Variants in ERICH3 observed in about 807,000 individuals in gnomAD.
ERICH3 encodes glutamate-rich protein 3.
ERICH3 carries 126 observed loss-of-function variants against 131.1 expected under a neutral mutation model. The observed-to-expected ratio is 0.96, with a 90% CI of 0.83 to 1.11. The LOEUF (loss-of-function observed/expected upper bound fraction) is 1.11, where lower values mean the gene tolerates loss of function less well. Ranked by LOEUF, ERICH3 falls within the 50% of genes most tolerant of loss-of-function variation. The probability of loss-of-function intolerance (pLI) is 0.00; values close to 1 mark genes in which losing one functional copy is unlikely to be tolerated. For synonymous variants in ERICH3, 695 were observed against 644.6 expected, an observed-to-expected ratio of 1.08 and a Z score of -1.18; for missense variants, 2,050 against 1,810.7, an observed-to-expected ratio of 1.13 and a Z score of -2.40.
chr1:74,596,496 T>A (rs1283196075), intron 11 of ERICH3, among the ~76,000 whole-genome samples: 2 of 152,070 alleles, frequency 1.3e-5, no homozygotes, highest in Admixed American at 1.3e-4. Context: ...CAAAATCTTC[T>A]CTTCTAGCTA....
rs1024867622 is a variant in ERICH3 at position 74,569,921 on chromosome 1, T to C, written c.*537A>G. On this transcript the variant is annotated 3_prime_UTR_variant, in exon 15 of 15. Coordinates refer to ENST00000326665, the MANE Select transcript of ERICH3 (RefSeq NM_001002912.5). ...ATCTTTTGCTGGAAGAACTTAGAGATTTGGAGCAATCTTGAGTTTTGAGTG... is the reference window on the plus strand; with the variant it reads ...ATCTTTTGCTGGAAGAACTTAGAGACTTGGAGCAATCTTGAGTTTTGAGTG... 1.3e-5 allele frequency: 2 copies of C among 152,194 alleles called. No individual in the cohort carries two copies. Among genetic ancestry groups the C allele is most frequent in the African/African-American group, 4.8e-5 (2 of 41,446 alleles). 9.4% of individuals were successfully genotyped at this position (152,194 alleles called of 1,614,324 possible). A position where few individuals can be genotyped will look rare whatever the true frequency, so the allele number is the denominator to read the frequency against.
In ERICH3 at chr1:74,573,149, C is replaced by G. The variant is rs138902428; in HGVS notation, c.2561G>C (p.Gly854Ala). The G allele has an allele frequency of 8.7e-6, 14 of 1,613,056 alleles. No homozygotes were observed. In the African/African-American group the frequency reaches 1.1e-4, roughly 12 times the overall value. ...EAEGVRRLGE[G>A]GSDPIGQAAA... Reference sequence around the variant, plus strand: ...TGCTTGTCCTATGGGGTCTGACCCCCCTTCACCCAGCCTTCTGACCCCTTC... The same window carrying G: ...TGCTTGTCCTATGGGGTCTGACCCCGCTTCACCCAGCCTTCTGACCCCTTC... Residue 854 changes from glycine to alanine, a missense_variant, in exon 14 of 15, where the codon GGG becomes GCG. Gly to Ala is a moderately conservative substitution (Grantham distance 60). Transcript: ENST00000326665.
At chr1:74,663,589 G>C (rs1241135297) in intron 1 of ERICH3, among the ~76,000 whole-genome samples, 3 of 150,036 alleles carry the variant, frequency 2.0e-5, no homozygotes, top group Non-Finnish European at 3.0e-5. Context: ...CTAATGGAAG[G>C]GTTCTAAAAA....
intron 12 of ERICH3, 143 bp from the exon 13 acceptor site, chr1:74,577,079 A>G: frequency 1.5e-6 from 1 of 648,622 alleles, no homozygotes; most frequent in Non-Finnish European, 2.6e-6. Flanking sequence ...TTGAAAGAAG[A>G]CTGATCTGAA....
At chr1:74,612,600 C>A in intron 9 of ERICH3, 23 bp downstream of exon 9, 1 of 1,519,256 alleles carries the variant, frequency 6.6e-7, no homozygotes, top group South Asian at 1.3e-5. Flanking sequence ...TTGCCCTCTA[C>A]CAAAGGACAT....
rs1378686951 is a variant in ERICH3, at chr1:74,649,307, G to A, written c.32C>T (p.Ala11Val). MSHSHPAGLL[A>V]AYNSLMDKHL... The stretch of plus-strand genomic sequence containing the variant: ...TTTATCCATAAGGCTATTATATGCA[G>A]CAAGTAACCTAAAATACAAAAATAA... Residue 11 changes from alanine to valine, a missense_variant, in exon 2 of 15, where the codon GCT (alanine) becomes GTT (valine). Ala to Val is a moderately conservative substitution (Grantham distance 64). Coordinates refer to ENST00000326665, the MANE Select transcript of ERICH3 (RefSeq NM_001002912.5). The A allele has an allele frequency of 1.2e-6, 2 of 1,609,684 alleles. No homozygotes were observed. The highest frequency in any genetic ancestry group is 1.7e-6 in the Non-Finnish European group (2 of 1,177,864).
chr1:74,662,885 T>C (rs1646656231), intron 1 of ERICH3, among the ~76,000 whole-genome samples: 2 of 152,180 alleles, frequency 1.3e-5, no homozygotes, highest in South Asian at 4.1e-4. Context: ...GCATGGTGGC[T>C]CACGCCTGTA....
chr1:74,657,689 T>C (rs1646598410), intron 1 of ERICH3, among the ~76,000 whole-genome samples: 1 of 152,148 alleles, frequency 6.6e-6, no homozygotes, highest in Non-Finnish European at 1.5e-5. Context: ...CCAACTGTGC[T>C]GACTGCTGGC....
chr1:74,666,680 A>G (rs545961938), intron 1 of ERICH3, among the ~76,000 whole-genome samples: 106 of 152,288 alleles, frequency 7.0e-4, no homozygotes, highest in Non-Finnish European at 1.1e-3. Flanking sequence ...AAAGAACCAA[A>G]TGACTTCTGC....
chr1:74,601,725 T>C (rs78611747), intron 10 of ERICH3, among the ~76,000 whole-genome samples: 2,533 of 151,916 alleles, frequency 0.017, 28 homozygotes, highest in Non-Finnish European at 0.026. Flanking sequence ...TATGAGTGGA[T>C]TGCTGCAATT....
At chr1:74,660,589 A>T (rs1646631459) in intron 1 of ERICH3, among the ~76,000 whole-genome samples, 1 of 116,674 alleles carries the variant, frequency 8.6e-6, no homozygotes, top group East Asian at 2.1e-4. Flanking sequence ...ATTCAGACAC[A>T]CAAGTGTATA....
At chr1:74,619,977 A>G (rs988758944) in intron 8 of ERICH3, among the ~76,000 whole-genome samples, 1 of 152,180 alleles carries the variant, frequency 6.6e-6, no homozygotes, top group Non-Finnish European at 1.5e-5. Flanking sequence ...TAAAAATTCC[A>G]TGTTTGTCCC....
In ERICH3 at chr1:74,606,786, C is replaced by T. The variant is rs750353829; in HGVS notation, c.1304G>A (p.Arg435Lys). Residue 435 changes from arginine to lysine, a missense_variant, in exon 10 of 15, where the codon AGA becomes AAA. By Grantham distance (26) the Arg-to-Lys change is conservative. Transcript: ENST00000326665. ...ATTTCTTTTTGGTATCACATACTCT[C>T]TCTCTTTCCTCACTTTCCCCTCAGC... Reference protein sequence around the residue: ...KKAEGKVRKEREYVIPKRNEI... With the variant: ...KKAEGKVRKEKEYVIPKRNEI... The T allele has an allele frequency of 6.2e-7, 1 of 1,613,364 alleles. No homozygotes were observed. Among genetic ancestry groups the T allele is most frequent in the South Asian group, 1.1e-5 (1 of 91,054 alleles).
At chr1:74,641,206 A>G (rs1173236477) in intron 5 of ERICH3, 125 bp downstream of exon 5, 3 of 1,099,580 alleles carry the variant, frequency 2.7e-6, no homozygotes, top group Non-Finnish European at 3.9e-6. Flanking sequence ...ATAAGACTAT[A>G]TTTTCATTCA....
chr1:74,618,943 A>C (rs1649096076), intron 8 of ERICH3, among the ~76,000 whole-genome samples: 1 of 152,210 alleles, frequency 6.6e-6, no homozygotes, highest in Non-Finnish European at 1.5e-5. Flanking sequence ...TGATTTGTAG[A>C]AAGGGCAGAT....
At chr1:74,606,561 A>G in intron 10 of ERICH3, 40 bp downstream of exon 10, 1 of 1,536,188 alleles carries the variant, frequency 6.5e-7, no homozygotes, top group South Asian at 1.2e-5. Flanking sequence ...CAAACGAAAC[A>G]GCCACAGCTA....
At chr1:74,611,611 C>T (rs922643165) in intron 9 of ERICH3, among the ~76,000 whole-genome samples, 4 of 152,144 alleles carry the variant, frequency 2.6e-5, no homozygotes, top group African/African-American at 9.7e-5. Flanking sequence ...CTCTGCGACC[C>T]CATCTCCAAT....
At chr1:74,640,985 T>C (rs981478418) in intron 5 of ERICH3, among the ~76,000 whole-genome samples, 2 of 152,096 alleles carry the variant, frequency 1.3e-5, no homozygotes, top group Non-Finnish European at 2.9e-5. Context: ...AATAGCTAAT[T>C]TGAGGTCATA....
intron 9 of ERICH3, among the ~76,000 whole-genome samples, chr1:74,611,748 C>A (rs1475569148): frequency 6.6e-6 from 1 of 151,898 alleles, no homozygotes; most frequent in African/African-American, 2.4e-5. Flanking sequence ...AATTTTTTTT[C>A]TGGTTTCTGT....
Sources: gnomAD v4.1 joint callset for allele counts (sites outside exome capture counted in the v4.1 genomes callset) on GRCh38, gnomAD v4.1.1 for gene constraint, MANE v1.5 for transcripts, NCBI Gene and HGNC (gene_info 2026-07-23, HGNC 2026-07-21) for gene names.